Variants in TNFRSF10A observed in about 807,000 individuals in gnomAD.
The protein encoded by TNFRSF10A is tumor necrosis factor receptor superfamily member 10A.
In TNFRSF10A, 44 loss-of-function variants were observed where a neutral mutation model predicts 42.8. That is an observed-to-expected ratio of 1.03 (90% CI 0.81 to 1.32). The LOEUF (loss-of-function observed/expected upper bound fraction) is 1.32, where lower values mean the gene tolerates loss of function less well. Ranked by LOEUF, TNFRSF10A falls within the 40% of genes most tolerant of loss-of-function variation. The probability of loss-of-function intolerance (pLI) is 0.00; values close to 1 mark genes in which losing one functional copy is unlikely to be tolerated. For missense variants in TNFRSF10A, 680 were observed against 602.0 expected (o/e 1.13, Z -1.36); for synonymous variants, 259 against 234.2 (o/e 1.11, Z -0.97).
chr8:23,211,135 A>G (rs555208497), intron 2 of TNFRSF10A, among the ~76,000 whole-genome samples: 19 of 152,306 alleles, frequency 1.2e-4, no homozygotes, highest in African/African-American at 4.3e-4. Context: ...TGCAAATTAT[A>G]TTTTCTTATA....
chr8:23,198,704 T>C (rs1800862309), intron 8 of TNFRSF10A, among the ~76,000 whole-genome samples: 1 of 152,174 alleles, frequency 6.6e-6, no homozygotes, highest in African/African-American at 2.4e-5. Flanking sequence ...GCTGTGTGCA[T>C]GTGTGTACCT....
At chr8:23,201,752 TC>T (rs11294851) in intron 4 of TNFRSF10A, 55 bp downstream of exon 4, 743,192 of 1,530,590 alleles carry the variant, frequency 0.49, 192,296 homozygotes, top group East Asian at 0.98. Flanking sequence ...TTTTTAGGGT[TC>T]CTTGCTTCTG....
chr8:23,217,047 G>A (rs1374331792), intron 1 of TNFRSF10A, among the ~76,000 whole-genome samples: 17 of 152,172 alleles, frequency 1.1e-4, no homozygotes, highest in Non-Finnish European at 1.8e-4. Flanking sequence ...CAAGGTGGTT[G>A]ACAATGTTCA....
At chr8:23,208,064 G>A (rs1227145944) in intron 2 of TNFRSF10A, among the ~76,000 whole-genome samples, 1 of 152,186 alleles carries the variant, frequency 6.6e-6, no homozygotes, top group African/African-American at 2.4e-5. Flanking sequence ...GGAAAGTGTG[G>A]AACTTCCTAG....
intron 9 of TNFRSF10A, among the ~76,000 whole-genome samples, chr8:23,196,598 A>T (rs765951671): frequency 6.6e-6 from 1 of 152,182 alleles, no homozygotes; most frequent in Admixed American, 6.5e-5. Flanking sequence ...ACAGCACTCA[A>T]TGAAAGTATT....
rs949336741 is a variant in TNFRSF10A, at chr8:23,198,784, C to T, written c.1014+482G>A. Among the ~76,000 whole-genome samples, 8 of 152,130 alleles carry T rather than the reference C, an allele frequency of 5.3e-5. No homozygotes were observed. In the East Asian group the frequency reaches 1.4e-3, roughly 26 times the overall value. ...ATGTGTGTGCATGTGCGTGTATGTG[C>T]GTGTACACAGTAAGCAGCACTGTTA... On this transcript the variant is annotated intron_variant, in intron 8 of 9. Transcript: ENST00000221132.
chr8:23,192,390 T>C (rs776705272), intron 9 of TNFRSF10A, among the ~76,000 whole-genome samples: 2 of 152,222 alleles, frequency 1.3e-5, no homozygotes, highest in Non-Finnish European at 2.9e-5. Flanking sequence ...GCTGCGCTTG[T>C]CATGGGAGCA....
intron 2 of TNFRSF10A, among the ~76,000 whole-genome samples, chr8:23,210,616 A>G (rs556500791): frequency 6.6e-6 from 1 of 152,338 alleles, no homozygotes; most frequent in South Asian, 2.1e-4. Flanking sequence ...CGGGAGGCAG[A>G]GCTTGCAGTG....
chr8:23,203,569 T>A (rs1291665372), intron 2 of TNFRSF10A, among the ~76,000 whole-genome samples: 5 of 152,200 alleles, frequency 3.3e-5, no homozygotes, highest in African/African-American at 1.2e-4. Flanking sequence ...CCCCTTCAGG[T>A]GACCTCACTC....
At position 23,199,374 on chromosome 8, in the gene TNFRSF10A, G is replaced by T. The variant is rs2230230; in HGVS notation, c.906C>A (p.Asn302Lys). 2 of 1,614,090 alleles carry T rather than the reference G, an allele frequency of 1.2e-6. No individual in the cohort carries two copies. Among genetic ancestry groups the T allele is most frequent in the African/African-American group, 2.7e-5 (2 of 74,928 alleles). The change falls in exon 8 of 10, where the codon AAC becomes AAA. Residue 302 changes from asparagine to lysine, a missense_variant. Transcript: ENST00000221132. Reference sequence around the variant, plus strand: ...AGACGAAAGTGGACAGCGAGTCTGCGTTGCTCAGAATCTCGTTGTGAGCAT... The same window carrying T: ...AGACGAAAGTGGACAGCGAGTCTGCTTTGCTCAGAATCTCGTTGTGAGCAT... Reference protein sequence around the residue: ...EDNAHNEILSNADSLSTFVSE... With the variant: ...EDNAHNEILSKADSLSTFVSE...
intron 1 of TNFRSF10A, 157 bp downstream of exon 1, chr8:23,224,599 C>T: frequency 9.7e-7 from 1 of 1,027,882 alleles, no homozygotes; most frequent in Non-Finnish European, 1.4e-6. Context: ...CCGGGGACCC[C>T]GTTCTTCCTC....
Position 23,224,856 on chromosome 8 carries a change from CG to C in TNFRSF10A, c.205del (p.Arg69GlyfsTer174). 25 of 1,568,778 alleles carry C rather than the reference CG, an allele frequency of 1.6e-5. No homozygotes were observed. Among genetic ancestry groups the C allele is most frequent in the Non-Finnish European group, 2.2e-5 (25 of 1,157,164 alleles). ...MGQHGPSARARAGRAPGPRPA... is the reference protein window; with the variant it reads ...MGQHGPSARAXAGRAPGPRPA... ...CCTGGGTCCTGGGGCGCGCCCTGCC[CG>C]GGCCCGGGCACTGGGTCCGTGCTGT... On this transcript the variant is annotated frameshift_variant, in exon 1 of 10. Coordinates refer to ENST00000221132, the MANE Select transcript of TNFRSF10A (RefSeq NM_003844.4). LOFTEE classifies it high-confidence loss of function.
intron 9 of TNFRSF10A, among the ~76,000 whole-genome samples, chr8:23,194,066 G>T (rs1453800431): frequency 6.6e-6 from 1 of 152,110 alleles, no homozygotes; most frequent in Admixed American, 6.5e-5. Flanking sequence ...TAAAATTTGG[G>T]TTCACAACCT....
chr8:23,199,593 C>T, intron 7 of TNFRSF10A, 145 bp from the exon 8 acceptor site: 1 of 1,082,766 alleles, frequency 9.2e-7, no homozygotes, highest in Non-Finnish European at 1.3e-6. Context: ...GGACCTGCTG[C>T]TGGGGCCAGG....
At chr8:23,219,882 G>T (rs952097683) in intron 1 of TNFRSF10A, among the ~76,000 whole-genome samples, 11 of 152,242 alleles carry the variant, frequency 7.2e-5, no homozygotes, top group African/African-American at 1.7e-4. Context: ...CTTCATCTAA[G>T]TTTTTAAAGT....
chr8:23,208,641 A>G (rs1801051349), intron 2 of TNFRSF10A, among the ~76,000 whole-genome samples: 2 of 152,102 alleles, frequency 1.3e-5, no homozygotes, highest in Non-Finnish European at 2.9e-5. Flanking sequence ...TATTTTTAGT[A>G]GAGACGGGGT....
In TNFRSF10A at chr8:23,191,638, C is replaced by A. The variant is rs1407527102; in HGVS notation, c.*56G>T. On this transcript the variant is annotated 3_prime_UTR_variant, in exon 10 of 10. Coordinates refer to ENST00000221132, the MANE Select transcript of TNFRSF10A (RefSeq NM_003844.4). ...GTATACATGTTAAAAAAAAAAAAAA[C>A]CTAATATGTATTAACTCCTAACACC... 3.0e-5 allele frequency: 44 copies of A among 1,444,284 alleles called. No individual in the cohort carries two copies. The highest frequency in any genetic ancestry group is 1.4e-4 in the East Asian group (6 of 41,406). 89.5% of individuals were successfully genotyped at this position (1,444,284 alleles called of 1,614,324 possible).
At chr8:23,205,423 A>G (rs1362230839) in intron 2 of TNFRSF10A, among the ~76,000 whole-genome samples, 1 of 152,216 alleles carries the variant, frequency 6.6e-6, no homozygotes, top group African/African-American at 2.4e-5. Context: ...GAAGTTCTAT[A>G]TATAATATTT....
chr8:23,191,547 G>A lies in TNFRSF10A; in HGVS notation c.*147C>T, dbSNP rs1800753656. 7 of 1,196,562 alleles carry A rather than the reference G, an allele frequency of 5.9e-6. No homozygotes were observed. Among genetic ancestry groups the A allele is most frequent in the East Asian group, 2.6e-5 (1 of 38,918 alleles). 74.1% of individuals were successfully genotyped at this position (1,196,562 alleles called of 1,614,324 possible). On this transcript the variant is annotated 3_prime_UTR_variant, in exon 10 of 10. Coordinates refer to ENST00000221132, the MANE Select transcript of TNFRSF10A (RefSeq NM_003844.4). ...ACTTCTGACCTCAAGTGATCCACCC[G>A]CCTCAGCCTCCCAAAGTGCTGGGAT...
Sources: allele counts gnomAD v4.1 joint callset (sites outside exome capture counted in the v4.1 genomes callset), GRCh38; gene constraint gnomAD v4.1.1; transcripts MANE v1.5; gene names NCBI Gene and HGNC (gene_info 2026-07-23, HGNC 2026-07-21).